The following GPM6A variants were observed in gnomAD, a reference collection of about 807,000 sequenced individuals.
GPM6A encodes the protein neuronal membrane glycoprotein M6-a.
A neutral mutation model predicts 32.1 loss-of-function variants in GPM6A; 7 were observed. That is an observed-to-expected ratio of 0.22 (90% confidence interval 0.12 to 0.41). GPM6A has a LOEUF of 0.41. Among genes scored for constraint, GPM6A ranks in the 10% least tolerant of loss-of-function variants. GPM6A has a pLI of 1.00. For missense variants in GPM6A, 235 were observed against 347.2 expected (o/e 0.68, Z 2.57); for synonymous variants, 130 against 123.4 (o/e 1.05, Z -0.35).
intron 1 of GPM6A, among the ~76,000 whole-genome samples, chr4:175,714,608 T>A (rs944094120): frequency 1.3e-5 from 2 of 152,050 alleles, no homozygotes; most frequent in African/African-American, 4.8e-5. Context: ...GAAAGAGCTA[T>A]AATTATAGTC....
intron 1 of GPM6A, among the ~76,000 whole-genome samples, chr4:175,996,405 C>G (rs930303883): frequency 6.6e-6 from 1 of 152,122 alleles, no homozygotes; most frequent in African/African-American, 2.4e-5. Context: ...AAAGCAAGCT[C>G]CTAAACAGTT....
At chr4:175,812,815 C>A (rs548429996), upstream of GPM6A, 16 of 985,226 alleles carry the variant, frequency 1.6e-5, no homozygotes, top group East Asian at 1.4e-3. Flanking sequence ...CAGTCAGATA[C>A]GTTGCAAAAA....
intron 1 of GPM6A, among the ~76,000 whole-genome samples, chr4:175,955,686 C>T (rs1316744841): frequency 6.6e-6 from 1 of 152,130 alleles, no homozygotes; most frequent in African/African-American, 2.4e-5. Context: ...TAAGGAATAA[C>T]TTCATTCCAA....
intron 1 of GPM6A, among the ~76,000 whole-genome samples, chr4:175,746,503 A>T (rs576165287): frequency 6.6e-6 from 1 of 152,256 alleles, no homozygotes; most frequent in Non-Finnish European, 1.5e-5. Flanking sequence ...AAATTTAAAG[A>T]TCAAAATCTG....
intron 3 of GPM6A, among the ~76,000 whole-genome samples, chr4:175,671,317 C>T (rs569032194): frequency 6.7e-6 from 1 of 149,566 alleles, no homozygotes. Context: ...AAAAAAAAAT[C>T]CACCCTTTAG....
chr4:175,843,416 G>C (rs1735998223), intron 1 of GPM6A, among the ~76,000 whole-genome samples: 1 of 152,168 alleles, frequency 6.6e-6, no homozygotes, highest in Non-Finnish European at 1.5e-5. Flanking sequence ...GAGGAGGCAA[G>C]TTCACTGCAT....
chr4:175,774,281 A>G (rs1467109422), intron 1 of GPM6A, among the ~76,000 whole-genome samples: 2 of 152,076 alleles, frequency 1.3e-5, no homozygotes, highest in Non-Finnish European at 2.9e-5. Context: ...GGTCTCTAAA[A>G]TGCTCAGTAA....
Position 175,640,792 on chromosome 4 carries a change from A to G in GPM6A, c.579T>C (p.Thr193=). ...VTIGEEKKIC[T]VSENFLRMCE... is the part of the protein sequence containing the mutation. ...ACATCCTCAAGAAATTCTCAGAGAC[A>G]GTACAAATTTTCTTTTCCTCTCCAA... is the stretch of plus-strand genomic sequence containing the variant. Residue 193 remains threonine (T), a synonymous_variant, in exon 5 of 7, where the codon ACT becomes ACC. Transcript: ENST00000393658. 6.2e-7 allele frequency: 1 copy of G among 1,610,434 alleles called. No individual in the cohort carries two copies. Among genetic ancestry groups the G allele is most frequent in the South Asian group, 1.1e-5 (1 of 90,988 alleles).
intron 1 of GPM6A, among the ~76,000 whole-genome samples, chr4:175,939,325 C>T (rs1400368598): frequency 6.6e-6 from 1 of 152,176 alleles, no homozygotes; most frequent in Non-Finnish European, 1.5e-5. Flanking sequence ...TCTACAGTTT[C>T]ATTCCTGGAG....
chr4:175,991,870 A>G (rs1414456569), intron 1 of GPM6A, among the ~76,000 whole-genome samples: 4 of 152,174 alleles, frequency 2.6e-5, no homozygotes, highest in Non-Finnish European at 5.9e-5. Context: ...TGGAGATAAC[A>G]TTGCCAATGG....
At chr4:175,713,037 T>A (rs1164675043) in intron 1 of GPM6A, among the ~76,000 whole-genome samples, 1 of 152,128 alleles carries the variant, frequency 6.6e-6, no homozygotes, top group South Asian at 2.1e-4. Context: ...CAAAGAATAG[T>A]AGACTAAAAA....
rs1191081211 is a variant in GPM6A, at chr4:175,653,250, CA to C, written c.388-1264del. ...TAGAGTTTATTGGGATTAAGGATAG[CA>C]AGGAATTTATATGACAAATATAAAG... On this transcript the variant is annotated intron_variant, in intron 3 of 6. Transcript: ENST00000393658. Among the ~76,000 whole-genome samples, 3 of 152,128 alleles carry C rather than the reference CA, an allele frequency of 2.0e-5. No individual in the cohort carries two copies. In the East Asian group the frequency reaches 5.8e-4, roughly 29 times the overall value.
intron 1 of GPM6A, among the ~76,000 whole-genome samples, chr4:175,948,788 T>C (rs902022061): frequency 2.9e-5 from 4 of 137,554 alleles, no homozygotes; most frequent in Admixed American, 2.1e-4. Flanking sequence ...TATGGACTCA[T>C]GCCCCTACGC....
chr4:175,941,211 T>C (rs1204870722), intron 1 of GPM6A, among the ~76,000 whole-genome samples: 2 of 152,184 alleles, frequency 1.3e-5, no homozygotes, highest in Non-Finnish European at 2.9e-5. Flanking sequence ...TCTAACAATT[T>C]CGGTTTCTAA....
intron 1 of GPM6A, among the ~76,000 whole-genome samples, chr4:175,750,067 T>A: frequency 6.8e-6 from 1 of 147,256 alleles, no homozygotes; most frequent in African/African-American, 2.5e-5. Context: ...AACCTATTGC[T>A]TTTTTTTTTG....
chr4:175,947,269 TG>T (rs1164798259), intron 1 of GPM6A, among the ~76,000 whole-genome samples: 1 of 152,062 alleles, frequency 6.6e-6, no homozygotes, highest in African/African-American at 2.4e-5. Context: ...ATTTTCCATT[TG>T]AACATTTAGC....
At chr4:175,780,553 C>T (rs139190444) in intron 1 of GPM6A, among the ~76,000 whole-genome samples, 11 of 152,244 alleles carry the variant, frequency 7.2e-5, no homozygotes, top group African/African-American at 2.2e-4. Flanking sequence ...TAACACAGTG[C>T]GTCACATTCA....
At chr4:175,860,471 G>T (rs2111418989) in intron 1 of GPM6A, among the ~76,000 whole-genome samples, 1 of 151,952 alleles carries the variant, frequency 6.6e-6, no homozygotes, top group South Asian at 2.1e-4. Flanking sequence ...TTCCATGAAA[G>T]ACACAAATTA....
chr4:175,707,988 A>G (rs866605696), intron 1 of GPM6A, among the ~76,000 whole-genome samples: 30 of 152,328 alleles, frequency 2.0e-4, no homozygotes, highest in African/African-American at 6.5e-4. Context: ...TTAAAAATAC[A>G]TCACTAAATT....
Sources: gnomAD v4.1 joint callset for allele counts (sites outside exome capture counted in the v4.1 genomes callset) on GRCh38, gnomAD v4.1.1 for gene constraint, MANE v1.5 for transcripts, NCBI Gene and HGNC (gene_info 2026-07-23, HGNC 2026-07-21) for gene names.